The following CCDC30 variants were observed in gnomAD, a reference collection of about 807,000 sequenced individuals.
CCDC30 encodes coiled-coil domain containing 30.
Under a neutral mutation model 100.2 loss-of-function variants are expected in CCDC30, and 70 were observed. The ratio of observed to expected loss-of-function variants is 0.70; its 90% CI spans 0.58 to 0.85. The LOEUF (loss-of-function observed/expected upper bound fraction) is 0.85, where lower values mean the gene tolerates loss of function less well. CCDC30 is among the 40% of genes least tolerant of loss of function. The pLI is 0.00. For synonymous variants in CCDC30, 233 were observed against 269.5 expected, an observed-to-expected ratio of 0.86 and a Z score of 1.33; for missense variants, 652 against 771.2, an observed-to-expected ratio of 0.85 and a Z score of 1.83.
intron 6 of CCDC30, among the ~76,000 whole-genome samples, chr1:42,507,533 T>A (rs1245492539): frequency 6.6e-6 from 1 of 152,220 alleles, no homozygotes; most frequent in Non-Finnish European, 1.5e-5. Context: ...CTAGGTAAAA[T>A]TTACATTTCC....
chr1:42,463,776 G>A (rs1376798958), exon 1 of CCDC30: 2 of 152,106 alleles, frequency 1.3e-5, no homozygotes, highest in Non-Finnish European at 2.9e-5. Flanking sequence ...TCCCCTACGT[G>A]TAGGCCCGCG....
At chr1:42,490,725 T>C (rs72659922) in intron 4 of CCDC30, among the ~76,000 whole-genome samples, 20,686 of 152,138 alleles carry the variant, frequency 0.14, 1,546 homozygotes, top group East Asian at 0.18. Flanking sequence ...GTAGTATCCC[T>C]ATTTCTTAGA....
At chr1:42,590,596 A>T (rs372868204) in intron 10 of CCDC30, 3 of 151,998 alleles carry the variant, frequency 2.0e-5, no homozygotes, top group Admixed American at 2.0e-4. Context: ...AATTAGCCAG[A>T]TATGGTGGCA....
intron 11 of CCDC30, among the ~76,000 whole-genome samples, chr1:42,618,313 C>T (rs374237082): frequency 2.7e-5 from 4 of 149,462 alleles, no homozygotes; most frequent in African/African-American, 7.4e-5. Context: ...CTCAGCTCAC[C>T]GCAACCTCCG....
At chr1:42,561,123 T>A (rs1376679532) in intron 6 of CCDC30, among the ~76,000 whole-genome samples, 1 of 152,252 alleles carries the variant, frequency 6.6e-6, no homozygotes, top group Admixed American at 6.5e-5. Context: ...AGCATCATTC[T>A]GATACCAAAA....
chr1:42,509,413 G>T (rs1340366078), intron 6 of CCDC30, among the ~76,000 whole-genome samples: 1 of 152,126 alleles, frequency 6.6e-6, no homozygotes, highest in Non-Finnish European at 1.5e-5. Context: ...AAGATATTTT[G>T]CAAACCCCGC....
rs1644242532 is a variant in CCDC30 at position 42,497,041 on chromosome 1, G to C, written c.242-57G>C. 4.5e-6 allele frequency: 4 copies of C among 890,968 alleles called. No individual in the cohort carries two copies. In the African/African-American group the frequency reaches 6.9e-5, roughly 15 times the overall value. The allele number at this position is 890,968 out of a possible 1,614,324, so 55.2% of individuals were successfully genotyped here. On this transcript the variant is annotated intron_variant, in intron 4 of 16. Coordinates refer to ENST00000668663, the Ensembl canonical transcript of CCDC30. ...CACTTCCTTCGTTTTTAGAGTTAGT[G>C]CCCCTGAAACTAAAACTTTGATCCA...
intron 6 of CCDC30, among the ~76,000 whole-genome samples, chr1:42,512,422 G>A (rs879301850): frequency 2.0e-5 from 3 of 152,202 alleles, no homozygotes; most frequent in Non-Finnish European, 4.4e-5. Context: ...TCCAGACTAA[G>A]GGCAGGGAGT....
intron 1 of CCDC30, chr1:42,473,116 A>G (rs1316094297): frequency 2.4e-6 from 3 of 1,227,404 alleles, no homozygotes; most frequent in Non-Finnish European, 3.0e-6. Context: ...TATTTCTTCT[A>G]TCAAGGGAAA....
chr1:42,544,797 G>A (rs1645088809), intron 6 of CCDC30, among the ~76,000 whole-genome samples: 1 of 152,138 alleles, frequency 6.6e-6, no homozygotes, highest in South Asian at 2.1e-4. Flanking sequence ...GTGAGCCATT[G>A]CACCCGGCCA....
intron 10 of CCDC30, chr1:42,590,847 A>G (rs889392564): frequency 6.6e-6 from 1 of 152,214 alleles, no homozygotes; most frequent in Non-Finnish European, 1.5e-5. Context: ...GAGGTCTCAG[A>G]TGGAAATAAG....
intron 12 of CCDC30, among the ~76,000 whole-genome samples, chr1:42,638,292 T>C (rs1336651596): frequency 6.6e-6 from 1 of 152,018 alleles, no homozygotes; most frequent in Non-Finnish European, 1.5e-5. Context: ...AGTTCAAGGT[T>C]ACAGTGGGCT....
intron 13 of CCDC30, among the ~76,000 whole-genome samples, chr1:42,643,787 G>T (rs1647647120): frequency 6.6e-6 from 1 of 152,176 alleles, no homozygotes; most frequent in African/African-American, 2.4e-5. Context: ...TGTGTGGGTA[G>T]GTTACATTGC....
intron 6 of CCDC30, chr1:42,537,070 A>T (rs1416126568): frequency 2.5e-6 from 1 of 405,862 alleles, no homozygotes; most frequent in South Asian, 1.9e-5. Context: ...AGTCCATAGC[A>T]CTGTAGAATA....
chr1:42,546,096 G>A (rs914562047), intron 6 of CCDC30, among the ~76,000 whole-genome samples: 10 of 151,066 alleles, frequency 6.6e-5, no homozygotes, highest in East Asian at 1.9e-4. Flanking sequence ...GAATGTATGC[G>A]GCCTGTTACA....
intron 6 of CCDC30, among the ~76,000 whole-genome samples, chr1:42,545,161 TTAAAAA>T (rs1645098329): frequency 1.5e-5 from 1 of 64,934 alleles, no homozygotes; most frequent in Non-Finnish European, 3.2e-5. Context: ...AAAAATACCT[TTAAAAA>T]AAAAAAAAAA....
chr1:42,489,587 C>T (rs1451426393), intron 3 of CCDC30, among the ~76,000 whole-genome samples: 2 of 152,158 alleles, frequency 1.3e-5, no homozygotes, highest in Non-Finnish European at 2.9e-5. Context: ...GATCCACTAG[C>T]AATATCGCTG....
In CCDC30 at chr1:42,545,888, G is replaced by A. The variant is rs140906002; in HGVS notation, c.457-20408G>A. On this transcript the variant is annotated intron_variant, in intron 6 of 16. Coordinates refer to ENST00000668663, the Ensembl canonical transcript of CCDC30. ...GAGCGTGGGAGGTGGAGGTTGTAGT[G>A]CGCCATGATTGTGTCACTGCACTGC... Among the ~76,000 whole-genome samples the A allele has an allele frequency of 3.8e-3, 582 of 151,838 alleles. 1 individual carries two copies. Among genetic ancestry groups the A allele is most frequent in the African/African-American group, 0.012 (516 of 41,372 alleles).
chr1:42,550,324 T>C (rs1645224937), intron 6 of CCDC30, among the ~76,000 whole-genome samples: 1 of 152,154 alleles, frequency 6.6e-6, no homozygotes. Context: ...CTCCTCCCAA[T>C]CCATTCTCCA....
Sources: allele counts gnomAD v4.1 joint callset (sites outside exome capture counted in the v4.1 genomes callset), GRCh38; gene constraint gnomAD v4.1.1; transcripts MANE v1.5; gene names NCBI Gene and HGNC (gene_info 2026-07-23, HGNC 2026-07-21).